The following UNC13C variants were observed in gnomAD, a reference collection of about 807,000 sequenced individuals.
UNC13C encodes protein unc-13 homolog C.
UNC13C carries 174 observed loss-of-function variants against 245.4 expected under a neutral mutation model. The ratio of observed to expected loss-of-function variants is 0.71; its 90% CI spans 0.63 to 0.80. UNC13C has a LOEUF of 0.80. Among genes scored for constraint, UNC13C ranks in the 30% least tolerant of loss-of-function variants. The probability of loss-of-function intolerance (pLI) is 0.00; values close to 1 mark genes in which losing one functional copy is unlikely to be tolerated. For synonymous variants in UNC13C, 992 were observed against 895.1 expected, an observed-to-expected ratio of 1.11 and a Z score of -1.93; for missense variants, 2,829 against 2,602.9, an observed-to-expected ratio of 1.09 and a Z score of -1.89.
the UNC13C span, among the ~76,000 whole-genome samples, chr15:53,901,156 A>C: frequency 7.9e-5 from 12 of 151,808 alleles, no homozygotes; most frequent in Non-Finnish European, 1.5e-4. Context: ...TTTTTATAAA[A>C]AGAATTTCTC....
chr15:54,055,589 C>G (rs1484390577), intron 2 of UNC13C, among the ~76,000 whole-genome samples: 2 of 152,108 alleles, frequency 1.3e-5, no homozygotes, highest in Admixed American at 6.5e-5. Context: ...GTATTTGATG[C>G]TTTTTCTTAC....
At chr15:53,898,776 T>A in the UNC13C span, among the ~76,000 whole-genome samples, 4 of 152,180 alleles carry the variant, frequency 2.6e-5, no homozygotes, top group African/African-American at 4.8e-5. Flanking sequence ...ATTCCAATTT[T>A]AAAAAAATAT....
intron 4 of UNC13C, among the ~76,000 whole-genome samples, chr15:54,156,377 C>T (rs2032745730): frequency 1.3e-5 from 2 of 152,240 alleles, no homozygotes; most frequent in African/African-American, 4.8e-5. Context: ...TTGTAGAAGC[C>T]ATCACTGCTG....
intron 12 of UNC13C, among the ~76,000 whole-genome samples, chr15:54,299,127 T>C (rs2037510149): frequency 6.6e-6 from 1 of 152,126 alleles, no homozygotes; most frequent in South Asian, 2.1e-4. Flanking sequence ...GATGGAGAAT[T>C]CGGGCCTTAA....
chr15:53,893,765 C>A, the UNC13C span, among the ~76,000 whole-genome samples: 2 of 152,146 alleles, frequency 1.3e-5, no homozygotes, highest in Non-Finnish European at 2.9e-5. Flanking sequence ...GAATTTCAAG[C>A]CAGTGGATCT....
chr15:53,853,895 A>G, the UNC13C span, among the ~76,000 whole-genome samples: 1 of 151,946 alleles, frequency 6.6e-6, no homozygotes, highest in Non-Finnish European at 1.5e-5. Context: ...TGGATATTAG[A>G]CCTTTGTCAG....
the UNC13C span, among the ~76,000 whole-genome samples, chr15:53,936,348 G>T: frequency 6.6e-6 from 1 of 152,164 alleles, no homozygotes; most frequent in Admixed American, 6.5e-5. Context: ...ACACCAGCCA[G>T]GGTTATACAA....
chr15:54,117,668 A>C (rs2030365618), intron 2 of UNC13C, among the ~76,000 whole-genome samples: 1 of 151,452 alleles, frequency 6.6e-6, no homozygotes, highest in Non-Finnish European at 1.5e-5. Flanking sequence ...TGCAGCCTCA[A>C]CCTCTGGGCA....
intron 19 of UNC13C, among the ~76,000 whole-genome samples, chr15:54,432,201 A>G (rs764175558): frequency 2.0e-5 from 3 of 151,614 alleles, no homozygotes; most frequent in Non-Finnish European, 4.4e-5. Context: ...AATAGAGTCC[A>G]TAGAGTCAGG....
Position 54,014,464 on chromosome 15 carries a change from G to A in UNC13C, c.1561G>A (p.Glu521Lys), listed in dbSNP as rs374314106. 9 of 1,613,582 alleles carry A rather than the reference G, an allele frequency of 5.6e-6. No homozygotes were observed. The African/African-American group carries it at 1.2e-4, about 22-fold the overall frequency. ...ACAGTTGCCAGAATCAGATATCTTG[G>A]AAAAGCAAACCACAACCCATTATGC... ...SSQLPESDIL[E>K]KQTTTHYADA... is the part of the protein sequence containing the mutation. Residue 521 changes from glutamate to lysine, a missense_variant, in exon 2 of 33, where the codon GAA becomes AAA. Coordinates refer to ENST00000260323, the MANE Select transcript of UNC13C (RefSeq NM_001080534.3).
chr15:54,371,465 G>A (rs2039486200), intron 17 of UNC13C, among the ~76,000 whole-genome samples: 2 of 152,020 alleles, frequency 1.3e-5, no homozygotes, highest in South Asian at 4.1e-4. Context: ...AAAGCGGAAG[G>A]CTTTATTCAA....
Position 54,454,439 on chromosome 15 carries a change from G to C in UNC13C, c.4933+39372G>C, listed in dbSNP as rs568713644. Among the ~76,000 whole-genome samples, 5 of 152,042 alleles carry C rather than the reference G, an allele frequency of 3.3e-5. No homozygotes were observed. The East Asian group carries it at 9.7e-4, about 30-fold the overall frequency. On this transcript the variant is annotated intron_variant, in intron 19 of 32. Coordinates refer to ENST00000260323, the MANE Select transcript of UNC13C (RefSeq NM_001080534.3). ...TAAAAATACAAAAAGTTAGCCGGGC[G>C]TGTTGGCGGGCACCTGTAATCCCAA...
intron 2 of UNC13C, among the ~76,000 whole-genome samples, chr15:54,056,699 G>T (rs1226432968): frequency 6.6e-6 from 1 of 152,140 alleles, no homozygotes; most frequent in Non-Finnish European, 1.5e-5. Flanking sequence ...AATGTTAAGG[G>T]CAGCCAGAGA....
chr15:54,474,421 A>G (rs896095533), intron 19 of UNC13C, among the ~76,000 whole-genome samples: 5 of 151,738 alleles, frequency 3.3e-5, no homozygotes, highest in Admixed American at 6.6e-5. Context: ...TGCCTTGATG[A>G]TTAGTGATGT....
At chr15:54,254,650 G>T (rs1214515187) in intron 8 of UNC13C, among the ~76,000 whole-genome samples, 1 of 152,192 alleles carries the variant, frequency 6.6e-6, no homozygotes, top group African/African-American at 2.4e-5. Flanking sequence ...CTTTGGCTGA[G>T]TTCAGAAGAT....
At chr15:54,252,314 C>A (rs1241941493) in intron 8 of UNC13C, among the ~76,000 whole-genome samples, 1 of 152,094 alleles carries the variant, frequency 6.6e-6, no homozygotes, top group Non-Finnish European at 1.5e-5. Context: ...TAATCTATTT[C>A]CATTTCTTAA....
the UNC13C span, among the ~76,000 whole-genome samples, chr15:53,881,538 G>C: frequency 6.6e-6 from 1 of 152,214 alleles, no homozygotes; most frequent in Non-Finnish European, 1.5e-5. Context: ...AATCTTCAGA[G>C]AATGAATAGA....
At chr15:54,441,144 G>T (rs1234105692) in intron 19 of UNC13C, among the ~76,000 whole-genome samples, 1 of 151,868 alleles carries the variant, frequency 6.6e-6, no homozygotes, top group Non-Finnish European at 1.5e-5. Flanking sequence ...CATTTGCTCT[G>T]CAGAAGTATT....
At chr15:54,500,306 AAC>A in intron 21 of UNC13C, 131 bp downstream of exon 21, 1 of 724,904 alleles carries the variant, frequency 1.4e-6, no homozygotes, top group Non-Finnish European at 2.3e-6. Context: ...ATTAATTTAA[AAC>A]ACAATTTCAG....
Sources: gnomAD v4.1 joint callset for allele counts (sites outside exome capture counted in the v4.1 genomes callset) on GRCh38, gnomAD v4.1.1 for gene constraint, MANE v1.5 for transcripts, NCBI Gene and HGNC (gene_info 2026-07-23, HGNC 2026-07-21) for gene names.